The following PIEZO2 variants were observed in gnomAD, a reference collection of about 807,000 sequenced individuals.
PIEZO2 encodes the protein piezo type mechanosensitive ion channel component 2.
Under a neutral mutation model 337.3 loss-of-function variants are expected in PIEZO2, and 172 were observed. That is an observed-to-expected ratio of 0.51 (90% CI 0.45 to 0.58). PIEZO2 has a LOEUF of 0.58. Among genes scored for constraint, PIEZO2 ranks in the 20% least tolerant of loss-of-function variants. The pLI, the probability that PIEZO2 is intolerant of heterozygous loss-of-function variation, is 0.00. For missense variants in PIEZO2, 3,028 were observed against 3,391.3 expected, an observed-to-expected ratio of 0.89 and a Z score of 2.66; for synonymous variants, 1,251 against 1,228.5, an observed-to-expected ratio of 1.02 and a Z score of -0.38.
chr18:10,994,410 T>G (rs372829519), intron 2 of PIEZO2, among the ~76,000 whole-genome samples: 4 of 151,460 alleles, frequency 2.6e-5, no homozygotes, highest in African/African-American at 9.7e-5. Flanking sequence ...CTTTTTTTTT[T>G]TTTTTTTGAT....
intron 33 of PIEZO2, chr18:10,737,643 A>G (rs2037061172): frequency 6.6e-6 from 1 of 152,250 alleles, no homozygotes; most frequent in Admixed American, 6.5e-5. Context: ...AGTTGGGAGC[A>G]GAGAAAACTA....
chr18:11,085,349 C>T (rs1568360840), intron 1 of PIEZO2, among the ~76,000 whole-genome samples: 2 of 152,232 alleles, frequency 1.3e-5, no homozygotes, highest in Non-Finnish European at 2.9e-5. Flanking sequence ...CTCATCACAA[C>T]ACAGACTCCA....
chr18:10,749,327 G>A (rs1568014657), intron 29 of PIEZO2, among the ~76,000 whole-genome samples: 1 of 152,032 alleles, frequency 6.6e-6, no homozygotes, highest in Non-Finnish European at 1.5e-5. Context: ...CAGCTACTCA[G>A]GAGGCAGCTA....
rs558150212 is a variant in PIEZO2, at chr18:10,918,567, CAT to C, written c.287-7341_287-7340del. 2.4e-3 allele frequency among the ~76,000 whole-genome samples: 360 copies of C among 152,140 alleles called. 3 individuals carry two copies. Among genetic ancestry groups the C allele is most frequent in the African/African-American group, 8.0e-3 (332 of 41,542 alleles). ...CAGAATTCATCAGTCTCACTATCAA[CAT>C]ATGTTCAATGGTGCGCTTTTCAAAA... On this transcript the variant is annotated intron_variant, in intron 3 of 55. Coordinates refer to ENST00000674853, the MANE Select transcript of PIEZO2 (RefSeq NM_001378183.1).
intron 20 of PIEZO2, among the ~76,000 whole-genome samples, chr18:10,770,770 T>C (rs1223131635): frequency 1.6e-5 from 2 of 128,766 alleles, no homozygotes. Flanking sequence ...TCTGACAGAG[T>C]CTTGCTCTGT....
chr18:10,849,041 C>T (rs191709223), intron 7 of PIEZO2, among the ~76,000 whole-genome samples: 1 of 152,304 alleles, frequency 6.6e-6, no homozygotes, highest in Admixed American at 6.5e-5. Context: ...GAATCTCGCT[C>T]TGTCACCTAA....
intron 7 of PIEZO2, among the ~76,000 whole-genome samples, chr18:10,835,343 T>C (rs564654346): frequency 1.9e-4 from 29 of 151,316 alleles, no homozygotes; most frequent in African/African-American, 6.6e-4. Context: ...ATATTTAGAA[T>C]ACTGAACAAG....
At position 10,859,616 on chromosome 18, in the gene PIEZO2, G is replaced by T. The variant is rs2041820356; in HGVS notation, c.493-2405C>A. Among the ~76,000 whole-genome samples the T allele has an allele frequency of 6.6e-6, 1 of 152,196 alleles. No individual in the cohort carries two copies. Among genetic ancestry groups the T allele is most frequent in the South Asian group, 2.1e-4 (1 of 4,836 alleles). ...GGGCGCCTTGCTGTCTCACCTTAAA[G>T]AAACACATCCTTTCAACCCACGTTT... On this transcript the variant is annotated intron_variant, in intron 5 of 55. Coordinates refer to ENST00000674853, the MANE Select transcript of PIEZO2 (RefSeq NM_001378183.1). This position sits in a 1 kb window ranked among gnomAD's most constrained non-coding sequence, Gnocchi z 4.9.
Position 10,794,918 on chromosome 18 carries a change from T to G in PIEZO2, c.1612A>C (p.Lys538Gln). 1 of 1,543,552 alleles carries G rather than the reference T, an allele frequency of 6.5e-7. No homozygotes were observed. Among genetic ancestry groups the G allele is most frequent in the Non-Finnish European group, 8.7e-7 (1 of 1,146,950 alleles). ...AAGGGAGAGCTGATCATGGCATATT[T>G]TCTTCTGTTGCGAATCATCCAAAGA... ...CTLWMIRNRR[K>Q]YAMISSPFMV... Residue 538 changes from lysine to glutamine, a missense_variant, in exon 13 of 56, where the codon AAA becomes CAA. Coordinates refer to ENST00000674853, the MANE Select transcript of PIEZO2 (RefSeq NM_001378183.1). This position sits in a 1 kb window ranked among gnomAD's most constrained non-coding sequence, Gnocchi z 6.6.
At chr18:10,768,248 G>C (rs2038449509) in intron 21 of PIEZO2, among the ~76,000 whole-genome samples, 1 of 152,178 alleles carries the variant, frequency 6.6e-6, no homozygotes, top group South Asian at 2.1e-4. Flanking sequence ...TTAAGTCACT[G>C]TAGGATTTTG....
At chr18:11,139,761 G>A (rs549981538) in intron 1 of PIEZO2, among the ~76,000 whole-genome samples, 82 of 152,228 alleles carry the variant, frequency 5.4e-4, no homozygotes, top group Non-Finnish European at 1.1e-3. Flanking sequence ...CCTTTAACGG[G>A]TTCTGGGACT....
intron 4 of PIEZO2, among the ~76,000 whole-genome samples, chr18:10,886,466 G>T (rs2042604724): frequency 8.8e-5 from 2 of 22,648 alleles, no homozygotes; most frequent in African/African-American, 5.4e-4. Flanking sequence ...ATGAGATTTG[G>T]GTGGGGACAA....
intron 42 of PIEZO2, 115 bp from the exon 43 acceptor site, chr18:10,702,286 A>G: frequency 2.0e-6 from 2 of 993,590 alleles, no homozygotes; most frequent in South Asian, 1.7e-5. Flanking sequence ...CACAGTTTTG[A>G]TGGTAGGCAG....
At chr18:11,020,960 G>A (rs1263132025) in intron 2 of PIEZO2, among the ~76,000 whole-genome samples, 1 of 152,202 alleles carries the variant, frequency 6.6e-6, no homozygotes, top group Non-Finnish European at 1.5e-5. Flanking sequence ...TATAGAAAGT[G>A]AAAGGTACAA....
chr18:10,985,969 A>G (rs1034640922), intron 2 of PIEZO2, among the ~76,000 whole-genome samples: 11 of 151,954 alleles, frequency 7.2e-5, no homozygotes, highest in Admixed American at 3.3e-4. Flanking sequence ...CCAGCTATAC[A>G]CTGCCTACAA....
At chr18:11,014,747 G>C (rs2036042024) in intron 2 of PIEZO2, among the ~76,000 whole-genome samples, 1 of 138,786 alleles carries the variant, frequency 7.2e-6, no homozygotes, top group Non-Finnish European at 1.5e-5. Flanking sequence ...CACCCTGTGT[G>C]GGACAGCAAT....
rs896892485 is a variant in PIEZO2, at chr18:11,001,349, A to G, written c.161-21689T>C. ...CAGCACATCTTGCTAGGCATGCACC[A>G]CCGAAAAAGTTATTCCTCTAGGGAA... On this transcript the variant is annotated intron_variant, in intron 2 of 55. Coordinates refer to ENST00000674853, the MANE Select transcript of PIEZO2 (RefSeq NM_001378183.1). The surrounding 1 kb of genome is among the most constrained non-coding windows in gnomAD (Gnocchi z 5.3). 6.6e-6 allele frequency among the ~76,000 whole-genome samples: 1 copy of G among 152,134 alleles called. No homozygotes were observed. The highest frequency in any genetic ancestry group is 1.5e-5 in the Non-Finnish European group (1 of 68,036).
chr18:10,726,397 C>T lies in PIEZO2; in HGVS notation c.5029+5010G>A, dbSNP rs1429627930. On this transcript the variant is annotated intron_variant, in intron 36 of 55. Transcript: ENST00000674853. The surrounding 1 kb of genome is among the most constrained non-coding windows in gnomAD (Gnocchi z 5.9). ...CACTACCTGCGGGGCGGTAACAACG[C>T]GCGCCAGCCGTGGCACAACGCGGAG... is the stretch of plus-strand genomic sequence containing the variant. 46 of 1,525,720 alleles carry T rather than the reference C, an allele frequency of 3.0e-5. No individual in the cohort carries two copies. The highest frequency in any genetic ancestry group is 3.9e-5 in the Non-Finnish European group (45 of 1,143,326). The allele number at this position is 1,525,720 out of a possible 1,614,324, so 94.5% of individuals were successfully genotyped here.
intron 7 of PIEZO2, among the ~76,000 whole-genome samples, chr18:10,827,645 T>C (rs2040715866): frequency 1.3e-5 from 2 of 152,180 alleles, no homozygotes; most frequent in African/African-American, 4.8e-5. Context: ...AACTGCCAGA[T>C]GGTATTGCAT....
Sources: gnomAD v4.1 joint callset for allele counts (sites outside exome capture counted in the v4.1 genomes callset) on GRCh38, gnomAD v4.1.1 for gene constraint, Gnocchi (gnomAD v3.1) non-coding constraint, MANE v1.5 for transcripts, NCBI Gene and HGNC (gene_info 2026-07-23, HGNC 2026-07-21) for gene names.